Variants in CEP112 observed in about 807,000 individuals in gnomAD.
The protein encoded by CEP112 is centrosomal protein 112, also known as centrosomal protein of 112 kDa.
Under a neutral mutation model 153.0 loss-of-function variants are expected in CEP112, and 127 were observed. That is an observed-to-expected ratio of 0.83 (90% CI 0.72 to 0.96). The LOEUF is 0.96. Ranked by LOEUF, CEP112 falls within the 40% of genes least tolerant of loss-of-function variation. The pLI is 0.00. For synonymous variants in CEP112, 358 were observed against 374.4 expected (o/e 0.96, Z 0.51); for missense variants, 1,089 against 1,101.2 (o/e 0.99, Z 0.16).
intron 18 of CEP112, among the ~76,000 whole-genome samples, chr17:65,948,332 T>C (rs1364577593): frequency 6.6e-6 from 1 of 152,074 alleles, no homozygotes; most frequent in Non-Finnish European, 1.5e-5. Context: ...TAGCAGCAAA[T>C]AGCATTTAAT....
intron 19 of CEP112, among the ~76,000 whole-genome samples, chr17:65,919,307 C>G (rs1158901378): frequency 6.6e-6 from 1 of 152,110 alleles, no homozygotes; most frequent in East Asian, 1.9e-4. Context: ...GAAGCATGTA[C>G]GCAGCCTCAG....
rs531095280 is a variant in CEP112, at chr17:65,904,106, A to G, written c.1981-1772T>C. ...AGTATTGGAAGTTCTGGTCAGGGCA[A>G]TCACGCAAGAGAAACAAATAAAGGG... On this transcript the variant is annotated intron_variant, in intron 19 of 26. Coordinates refer to ENST00000535342, the MANE Select transcript of CEP112 (RefSeq NM_001199165.4). Among the ~76,000 whole-genome samples, 23 of 152,330 alleles carry G rather than the reference A, an allele frequency of 1.5e-4. No homozygotes were observed. In the South Asian group the frequency reaches 4.8e-3, roughly 32 times the overall value.
chr17:65,737,165 T>C (rs1235027518), intron 23 of CEP112, among the ~76,000 whole-genome samples: 2 of 151,894 alleles, frequency 1.3e-5, no homozygotes, highest in African/African-American at 4.8e-5. Context: ...CCAAATAAAA[T>C]GAGTAAAGAA....
At chr17:65,713,226 G>A (rs1413202723) in intron 23 of CEP112, among the ~76,000 whole-genome samples, 1 of 152,154 alleles carries the variant, frequency 6.6e-6, no homozygotes, top group Non-Finnish European at 1.5e-5. Context: ...GGTCCGGGGG[G>A]TTACCAGGTA....
intron 23 of CEP112, among the ~76,000 whole-genome samples, chr17:65,725,902 T>G (rs954248625): frequency 1.3e-5 from 2 of 151,968 alleles, no homozygotes; most frequent in Non-Finnish European, 2.9e-5. Flanking sequence ...TGGGAGTACA[T>G]GATGAGATTT....
chr17:65,946,774 G>A (rs2061664931), intron 18 of CEP112, among the ~76,000 whole-genome samples: 1 of 151,816 alleles, frequency 6.6e-6, no homozygotes, highest in Non-Finnish European at 1.5e-5. Context: ...TGATTCTATA[G>A]ATTTAAGAAC....
intron 17 of CEP112, among the ~76,000 whole-genome samples, chr17:65,971,045 A>G (rs2062749026): frequency 6.6e-6 from 1 of 152,222 alleles, no homozygotes; most frequent in African/African-American, 2.4e-5. Context: ...AGAGGCTTGT[A>G]TTACATGTCT....
intron 6 of CEP112, among the ~76,000 whole-genome samples, chr17:66,099,653 C>T (rs1055730664): frequency 6.6e-6 from 1 of 152,040 alleles, no homozygotes; most frequent in Admixed American, 6.6e-5. Context: ...ACTACCACTT[C>T]CCACACAATC....
intron 23 of CEP112, among the ~76,000 whole-genome samples, chr17:65,713,676 T>C (rs2144745822): frequency 6.6e-6 from 1 of 152,330 alleles, no homozygotes; most frequent in East Asian, 1.9e-4. Context: ...AAGCTCTGCC[T>C]GCTGGGTTCA....
chr17:65,860,101 T>C (rs1364243426), intron 20 of CEP112, among the ~76,000 whole-genome samples: 1 of 151,750 alleles, frequency 6.6e-6, no homozygotes, highest in African/African-American at 2.4e-5. Context: ...TACAAATTAT[T>C]AGAAATAAGA....
chr17:65,906,935 A>G (rs963057507), intron 19 of CEP112, among the ~76,000 whole-genome samples: 48 of 152,244 alleles, frequency 3.2e-4, no homozygotes, highest in African/African-American at 1.0e-3. Flanking sequence ...AATCAAAATC[A>G]TTTAAGCATG....
chr17:65,999,616 T>C (rs560317394), intron 17 of CEP112, among the ~76,000 whole-genome samples: 7 of 151,758 alleles, frequency 4.6e-5, no homozygotes, highest in Middle Eastern at 3.4e-3. Flanking sequence ...AGATTTGTTA[T>C]ATAGGTGAAC....
intron 4 of CEP112, among the ~76,000 whole-genome samples, chr17:66,162,836 T>C (rs2071770860): frequency 6.6e-6 from 1 of 152,164 alleles, no homozygotes; most frequent in Admixed American, 6.5e-5. Flanking sequence ...CACAGATATA[T>C]ACATTTTGTA....
intron 12 of CEP112, among the ~76,000 whole-genome samples, chr17:66,031,923 C>G (rs180846564): frequency 6.6e-6 from 1 of 152,308 alleles, no homozygotes; most frequent in East Asian, 1.9e-4. Flanking sequence ...GTGGCCGAGG[C>G]AGCCAGGACT....
At chr17:66,036,409 C>T (rs1035597151) in intron 12 of CEP112, among the ~76,000 whole-genome samples, 1 of 152,034 alleles carries the variant, frequency 6.6e-6, no homozygotes, top group African/African-American at 2.4e-5. Context: ...ATGGCTAAAA[C>T]TTAACACCAC....
intron 8 of CEP112, among the ~76,000 whole-genome samples, chr17:66,094,701 A>G (rs933625044): frequency 7.2e-5 from 11 of 152,150 alleles, no homozygotes; most frequent in African/African-American, 2.4e-4. Context: ...CAATCAACAG[A>G]GTAAAAAGAC....
At chr17:65,733,118 A>C (rs948152639) in intron 23 of CEP112, among the ~76,000 whole-genome samples, 2 of 152,194 alleles carry the variant, frequency 1.3e-5, no homozygotes, top group African/African-American at 2.4e-5. Context: ...GAACACTTAG[A>C]GGCCATTGTA....
intron 4 of CEP112, among the ~76,000 whole-genome samples, chr17:66,145,427 T>C (rs753295004): frequency 6.6e-6 from 1 of 152,182 alleles, no homozygotes; most frequent in Non-Finnish European, 1.5e-5. Flanking sequence ...TGTTTTTTTA[T>C]ATCTTATTTT....
chr17:66,149,123 T>G (rs1472444093), intron 4 of CEP112, among the ~76,000 whole-genome samples: 1 of 152,220 alleles, frequency 6.6e-6, no homozygotes, highest in African/African-American at 2.4e-5. Context: ...TTAATGCTAA[T>G]GTAGTATATC....
Sources: gnomAD v4.1 joint callset for allele counts (sites outside exome capture counted in the v4.1 genomes callset) on GRCh38, gnomAD v4.1.1 for gene constraint, MANE v1.5 for transcripts, NCBI Gene and HGNC (gene_info 2026-07-23, HGNC 2026-07-21) for gene names.